MTHFD2L: variants seen among roughly 807,000 people sequenced by gnomAD.
MTHFD2L encodes the protein bifunctional methylenetetrahydrofolate dehydrogenase/cyclohydrolase 2, mitochondrial.
Under a neutral mutation model 34.9 loss-of-function variants are expected in MTHFD2L, and 29 were observed. That is an observed-to-expected ratio of 0.83 (90% CI 0.62 to 1.13). The LOEUF (loss-of-function observed/expected upper bound fraction) is 1.13. Ranked by LOEUF, MTHFD2L falls within the 50% of genes most tolerant of loss-of-function variation. The pLI is 0.00. For missense variants in MTHFD2L, 481 were observed against 446.5 expected (o/e 1.08, Z -0.70); for synonymous variants, 167 against 155.7 (o/e 1.07, Z -0.54).
chr4:74,183,226 A>G (rs1578382108), intron 3 of MTHFD2L: 1 of 152,202 alleles, frequency 6.6e-6, no homozygotes, highest in South Asian at 2.1e-4. Flanking sequence ...AAGTATTAAG[A>G]GGAAAAAAAA....
At chr4:74,293,506 C>T (rs759023918) in intron 7 of MTHFD2L, 9 of 982,802 alleles carry the variant, frequency 9.2e-6, no homozygotes, top group Non-Finnish European at 9.7e-6. Context: ...CGATAATGAA[C>T]ATCTCAATAT....
At chr4:74,149,917 A>C (rs1317272597) in intron 1 of MTHFD2L, among the ~76,000 whole-genome samples, 1 of 152,156 alleles carries the variant, frequency 6.6e-6, no homozygotes, top group Non-Finnish European at 1.5e-5. Flanking sequence ...AGATATGGAT[A>C]TTATCTTGAA....
intron 6 of MTHFD2L, chr4:74,267,301 TTTC>T (rs1745406843): frequency 1.2e-6 from 1 of 836,006 alleles, no homozygotes; most frequent in African/African-American, 2.8e-5. Flanking sequence ...TTTCTTTTCT[TTTC>T]TTTTCTTTCT....
At chr4:74,158,078 G>C (rs1240022252), upstream of MTHFD2L, 2 of 1,532,322 alleles carry the variant, frequency 1.3e-6, no homozygotes, top group Non-Finnish European at 1.7e-6. Context: ...CAGGCCTCCA[G>C]CCGCGAGGAC....
At chr4:74,263,455 T>C (rs1353586096) in intron 6 of MTHFD2L, among the ~76,000 whole-genome samples, 1 of 152,098 alleles carries the variant, frequency 6.6e-6, no homozygotes, top group East Asian at 1.9e-4. Flanking sequence ...TTTCTATCCA[T>C]GAACATGGAA....
At chr4:74,127,635 T>G (rs1722172898) in intron 1 of MTHFD2L, among the ~76,000 whole-genome samples, 2 of 152,194 alleles carry the variant, frequency 1.3e-5, no homozygotes, top group South Asian at 4.1e-4. Flanking sequence ...CACAGTTTCT[T>G]TATACACTCA....
At chr4:74,135,578 G>T (rs1722846674) in intron 1 of MTHFD2L, among the ~76,000 whole-genome samples, 1 of 152,060 alleles carries the variant, frequency 6.6e-6, no homozygotes, top group African/African-American at 2.4e-5. Flanking sequence ...AACATTTAAA[G>T]AACTAATACC....
chr4:74,123,140 C>T (rs1407975824), upstream of MTHFD2L: 1 of 152,004 alleles, frequency 6.6e-6, no homozygotes, highest in African/African-American at 2.4e-5. Flanking sequence ...TTTGTTTCTG[C>T]CAGTGTTAGT....
intron 6 of MTHFD2L, among the ~76,000 whole-genome samples, chr4:74,243,889 A>G (rs527716861): frequency 6.6e-6 from 1 of 152,336 alleles, no homozygotes; most frequent in South Asian, 2.1e-4. Flanking sequence ...AATTTGGCCC[A>G]AAACACTGTT....
chr4:74,150,601 A>G (rs1380148670), intron 1 of MTHFD2L, among the ~76,000 whole-genome samples: 2 of 152,224 alleles, frequency 1.3e-5, no homozygotes, highest in African/African-American at 4.8e-5. Flanking sequence ...TTATTATAGC[A>G]GCAATCAAAA....
In MTHFD2L at chr4:74,273,377, GT is replaced by G. The variant is rs1206380095; in HGVS notation, c.806-8047del. 6.6e-5 allele frequency among the ~76,000 whole-genome samples: 10 copies of G among 152,146 alleles called. No homozygotes were observed. The East Asian group carries it at 1.9e-3, about 29-fold the overall frequency. On this transcript the variant is annotated intron_variant, in intron 6 of 7. Transcript: ENST00000325278. ...TAATAGGATAAAGGCCATTAAGTTT[GT>G]GTTGAAGTTTGAAGGAATCTAAAAG...
chr4:74,290,243 T>C (rs925251878), intron 7 of MTHFD2L, among the ~76,000 whole-genome samples: 3 of 152,214 alleles, frequency 2.0e-5, no homozygotes, highest in African/African-American at 2.4e-5. Context: ...TGGAATTACA[T>C]AGAAGCTCAG....
At chr4:74,192,542 A>G (rs1387722861) in intron 3 of MTHFD2L, among the ~76,000 whole-genome samples, 1 of 152,158 alleles carries the variant, frequency 6.6e-6, no homozygotes, top group Non-Finnish European at 1.5e-5. Flanking sequence ...TATATGTATT[A>G]TTCCATAAGT....
At chr4:74,125,710 A>G (rs191381549) in intron 1 of MTHFD2L, among the ~76,000 whole-genome samples, 1 of 152,278 alleles carries the variant, frequency 6.6e-6, no homozygotes, top group Admixed American at 6.5e-5. Context: ...TGCTTTTTTA[A>G]TAATGGAAAA....
chr4:74,158,362 G>T, intron 1 of MTHFD2L, 81 bp downstream of exon 1: 1 of 1,058,810 alleles, frequency 9.4e-7, no homozygotes, highest in African/African-American at 1.7e-5. Flanking sequence ...CGCGCGCGTG[G>T]GGCCCAAGGC....
At chr4:74,179,350 A>G (rs1238354466) in intron 3 of MTHFD2L, among the ~76,000 whole-genome samples, 1 of 152,026 alleles carries the variant, frequency 6.6e-6, no homozygotes. Flanking sequence ...TATAACCTAT[A>G]TTTTTTACGA....
chr4:74,267,765 C>T lies in MTHFD2L; in HGVS notation c.806-13660C>T, dbSNP rs1444969868. On this transcript the variant is annotated intron_variant, in intron 6 of 7. Coordinates refer to ENST00000325278, the MANE Select transcript of MTHFD2L (RefSeq NM_001144978.3). ...ATGGGAGGAAGAAAAGAGAAGCACA[C>T]ATTTGGACCCCACAGGTCCATTGAC... The T allele has an allele frequency of 8.1e-6, 8 of 985,236 alleles. No homozygotes were observed. The East Asian group carries it at 3.4e-4, about 42-fold the overall frequency. 61.0% of individuals were successfully genotyped at this position (985,236 alleles called of 1,614,324 possible). A position where few individuals can be genotyped will look rare whatever the true frequency, so the allele number is the denominator to read the frequency against.
chr4:74,273,332 A>G (rs1746228875), intron 6 of MTHFD2L, among the ~76,000 whole-genome samples: 1 of 152,144 alleles, frequency 6.6e-6, no homozygotes, highest in African/African-American at 2.4e-5. Flanking sequence ...AGATGGAGAA[A>G]CACTCTGGGA....
chr4:74,215,662 C>A (rs1737085370), intron 5 of MTHFD2L, among the ~76,000 whole-genome samples: 1 of 151,764 alleles, frequency 6.6e-6, no homozygotes, highest in African/African-American at 2.4e-5. Context: ...CAGTCACCTT[C>A]TTGTTACTAT....
Sources: allele counts gnomAD v4.1 joint callset (sites outside exome capture counted in the v4.1 genomes callset), GRCh38; gene constraint gnomAD v4.1.1; transcripts MANE v1.5; gene names NCBI Gene and HGNC (gene_info 2026-07-23, HGNC 2026-07-21).